The following SLC25A24 variants were observed in gnomAD, a reference collection of about 807,000 sequenced individuals.
SLC25A24 encodes the protein solute carrier family 25 member 24, also known as mitochondrial adenyl nucleotide antiporter SLC25A24.
In SLC25A24, 49 loss-of-function variants were observed where a neutral mutation model predicts 60.7. That is an observed-to-expected ratio of 0.81 (90% CI 0.64 to 1.02). SLC25A24 has a LOEUF of 1.02. Among genes scored for constraint, SLC25A24 ranks in the 50% least tolerant of loss-of-function variants. The probability of loss-of-function intolerance (pLI) is 0.00; values close to 1 mark genes in which losing one functional copy is unlikely to be tolerated. For missense variants in SLC25A24, 564 were observed against 586.3 expected, an observed-to-expected ratio of 0.96 and a Z score of 0.39; for synonymous variants, 202 against 200.6, an observed-to-expected ratio of 1.01 and a Z score of -0.06.
chr1:108,152,720 T>C (rs769995805), intron 6 of SLC25A24, among the ~76,000 whole-genome samples: 46 of 144,618 alleles, frequency 3.2e-4, no homozygotes, highest in Non-Finnish European at 4.3e-4. Flanking sequence ...TGTCTTTTCA[T>C]TTACTTAATA....
At chr1:108,198,102 C>T (rs760233355) in intron 1 of SLC25A24, among the ~76,000 whole-genome samples, 2 of 152,184 alleles carry the variant, frequency 1.3e-5, no homozygotes, top group Non-Finnish European at 2.9e-5. Context: ...CAGGAAAGCC[C>T]TCCCCAGGAG....
At position 108,167,142 on chromosome 1, in the gene SLC25A24, G is replaced by A. The variant is rs1680279189; in HGVS notation, c.399-5849C>T. ...AGGGACCCACTTGAGGAGGCAGTCT[G>A]CCCGTTCTCAGATCTCCAGCTGCGT... On this transcript the variant is annotated intron_variant, in intron 3 of 9. Transcript: ENST00000565488. Among the ~76,000 whole-genome samples the A allele has an allele frequency of 2.6e-5, 4 of 151,626 alleles. No homozygotes were observed. The South Asian group carries it at 8.3e-4, about 32-fold the overall frequency.
chr1:108,167,547 C>T (rs1338753623), intron 3 of SLC25A24, among the ~76,000 whole-genome samples: 2 of 152,306 alleles, frequency 1.3e-5, no homozygotes, highest in East Asian at 1.9e-4. Flanking sequence ...GGGAGTGACC[C>T]GATTTTCCAG....
intron 4 of SLC25A24, 101 bp from the exon 5 acceptor site, chr1:108,157,721 A>G (rs1679943546): frequency 2.3e-6 from 3 of 1,314,686 alleles, no homozygotes; most frequent in African/African-American, 2.9e-5. Context: ...AGTTAATATG[A>G]ACTTCATTCC....
intron 3 of SLC25A24, among the ~76,000 whole-genome samples, chr1:108,180,605 G>A (rs1048377331): frequency 4.3e-5 from 6 of 140,730 alleles, no homozygotes; most frequent in Non-Finnish European, 6.0e-5. Context: ...ATAATAGAAA[G>A]CAAGAGAAAG....
At chr1:108,143,359 A>C (rs1270761987) in intron 8 of SLC25A24, among the ~76,000 whole-genome samples, 184 bp downstream of exon 8, 1 of 152,236 alleles carries the variant, frequency 6.6e-6, no homozygotes, top group Non-Finnish European at 1.5e-5. Context: ...TCCCAAGAAA[A>C]TCTAATACAA....
At chr1:108,189,870 A>AAAT (rs1553256921) in intron 1 of SLC25A24, among the ~76,000 whole-genome samples, 3 of 149,582 alleles carry the variant, frequency 2.0e-5, no homozygotes, top group African/African-American at 4.9e-5. Context: ...AAAATTAAAA[A>AAAT]ATATATATAT....
chr1:108,190,453 A>C (rs1450663903), intron 1 of SLC25A24, among the ~76,000 whole-genome samples: 2 of 152,178 alleles, frequency 1.3e-5, no homozygotes, highest in Non-Finnish European at 2.9e-5. Context: ...TAAGTCTGAC[A>C]TAACAGGCTG....
intron 3 of SLC25A24, among the ~76,000 whole-genome samples, chr1:108,170,886 T>C (rs1238640959): frequency 6.6e-6 from 1 of 152,126 alleles, no homozygotes; most frequent in African/African-American, 2.4e-5. Flanking sequence ...GATTATCTTC[T>C]AACTTACTCG....
At position 108,181,948 on chromosome 1, in the gene SLC25A24, G is replaced by A. The variant is rs1647944186; in HGVS notation, c.391C>T (p.Leu131Phe). The A allele has an allele frequency of 6.2e-7, 1 of 1,606,230 alleles. No homozygotes were observed. The highest frequency in any genetic ancestry group is 8.5e-7 in the Non-Finnish European group (1 of 1,173,404). ...CCAACATGAAGAGCTTACCTTTGAA[G>A]AATCAACTCTGCTTGTTGTTCAGAA... Reference protein sequence around the residue: ...TISEQQAELILQSIDVDGTMT... With the variant: ...TISEQQAELIFQSIDVDGTMT... Residue 131 changes from leucine (L) to phenylalanine (F), a missense_variant, in exon 3 of 10, where the codon CTT (leucine) becomes TTT (phenylalanine). Leu to Phe is a conservative substitution (Grantham distance 22, BLOSUM62 0). Coordinates refer to ENST00000565488, the MANE Select transcript of SLC25A24 (RefSeq NM_013386.5).
At chr1:108,140,101 A>G (rs986982857) in intron 8 of SLC25A24, among the ~76,000 whole-genome samples, 4 of 152,178 alleles carry the variant, frequency 2.6e-5, no homozygotes, top group East Asian at 1.9e-4. Flanking sequence ...TATGTTATAT[A>G]ACAAGTTTAA....
chr1:108,167,534 G>C, intron 3 of SLC25A24, among the ~76,000 whole-genome samples: 1 of 152,256 alleles, frequency 6.6e-6, no homozygotes, highest in African/African-American at 2.4e-5. Context: ...GCAGTATTCA[G>C]GTGGGAGTGA....
chr1:108,155,090 G>A lies in SLC25A24; in HGVS notation c.715C>T (p.Arg239Ter), dbSNP rs147531188. ...ATACCTCCTTCTTTTACCATCTGTC[G>A]AAAGCCACCAAATATGTTCATTTTG... is the stretch of plus-strand genomic sequence containing the variant. Reference protein sequence around the residue: ...SDKMNIFGGFRQMVKEGGIRS... With the variant: ...SDKMNIFGGF Residue 239 changes from arginine (R) to a stop codon, truncating the protein, a stop_gained, in exon 6 of 10, where the codon CGA becomes TGA. Transcript: ENST00000565488. LOFTEE classifies it high-confidence loss of function. 14 of 1,612,262 alleles carry A rather than the reference G, an allele frequency of 8.7e-6. No individual in the cohort carries two copies. Among genetic ancestry groups the A allele is most frequent in the South Asian group, 2.2e-5 (2 of 90,836 alleles).
Position 108,191,176 on chromosome 1 carries a change from C to T in SLC25A24, c.184-5222G>A, listed in dbSNP as rs574612340. On this transcript the variant is annotated intron_variant, in intron 1 of 9. Coordinates refer to ENST00000565488, the MANE Select transcript of SLC25A24 (RefSeq NM_013386.5). ...TTTTTGAGATGGAGTCTCACTCTGT[C>T]ACCCAGGTTGGAGTGCAGTGATGCA... is the stretch of plus-strand genomic sequence containing the variant. 2.9e-5 allele frequency among the ~76,000 whole-genome samples: 4 copies of T among 138,346 alleles called. 1 individual carries two copies. Among genetic ancestry groups the T allele is most frequent in the East Asian group, 2.6e-4 (1 of 3,782 alleles). The allele number at this position is 138,346 out of a possible 152,430, so 90.8% of individuals were successfully genotyped here.
intron 2 of SLC25A24, among the ~76,000 whole-genome samples, chr1:108,185,121 T>C (rs1373089786): frequency 2.0e-5 from 3 of 152,158 alleles, no homozygotes; most frequent in Non-Finnish European, 4.4e-5. Context: ...TAGCATGTTA[T>C]GACATAGTAA....
intron 3 of SLC25A24, among the ~76,000 whole-genome samples, chr1:108,173,298 C>T (rs569086952): frequency 6.6e-6 from 1 of 152,272 alleles, no homozygotes; most frequent in East Asian, 1.9e-4. Flanking sequence ...TGGTCAACCC[C>T]ATGCTGCTGT....
chr1:108,138,114 G>A, intron 9 of SLC25A24, among the ~76,000 whole-genome samples: 1 of 152,206 alleles, frequency 6.6e-6, no homozygotes, highest in East Asian at 1.9e-4. Context: ...TCCTTGCTCT[G>A]TGCTCCCCTA....
chr1:108,200,018 T>C lies in SLC25A24; in HGVS notation c.121A>G (p.Ile41Val). 1 of 1,611,200 alleles carries C rather than the reference T, an allele frequency of 6.2e-7. No individual in the cohort carries two copies. Among genetic ancestry groups the C allele is most frequent in the South Asian group, 1.1e-5 (1 of 90,084 alleles). ...LDRNGDGVVD[I>V]GELQEGLRNL... ...CTGAGCCCCTCCTGCAGCTCGCCGA[T>C]GTCCACCACTCCGTCCCCATTGCGG... The change falls in exon 1 of 10, where the codon ATC (isoleucine) becomes GTC (valine). Residue 41 changes from isoleucine (I) to valine (V), a missense_variant. Physicochemically the swap from Ile to Val is conservative, Grantham distance 29. Coordinates refer to ENST00000565488, the MANE Select transcript of SLC25A24 (RefSeq NM_013386.5).
intron 3 of SLC25A24, among the ~76,000 whole-genome samples, chr1:108,163,568 G>T (rs918489818): frequency 6.6e-6 from 1 of 152,092 alleles, no homozygotes; most frequent in African/African-American, 2.4e-5. Context: ...TTGTGAACGG[G>T]AGTTCACTCA....
Sources: allele counts gnomAD v4.1 joint callset (sites outside exome capture counted in the v4.1 genomes callset), GRCh38; gene constraint gnomAD v4.1.1; transcripts MANE v1.5; gene names NCBI Gene and HGNC (gene_info 2026-07-23, HGNC 2026-07-21).